DDX25: variants seen among roughly 807,000 people sequenced by gnomAD.
DDX25 encodes ATP-dependent RNA helicase DDX25.
Under a neutral mutation model 64.6 loss-of-function variants are expected in DDX25, and 70 were observed. The ratio of observed to expected loss-of-function variants is 1.08; its 90% CI spans 0.89 to 1.32. DDX25 has a LOEUF of 1.32. Ranked by LOEUF, DDX25 falls within the 40% of genes most tolerant of loss-of-function variation. The probability of loss-of-function intolerance (pLI) is 0.00; values close to 1 mark genes in which losing one functional copy is unlikely to be tolerated. For missense variants in DDX25, 587 were observed against 604.4 expected (o/e 0.97, Z 0.30); for synonymous variants, 211 against 213.3 (o/e 0.99, Z 0.09).
chr11:125,922,952 T>C lies in DDX25; in HGVS notation c.*71T>C. On this transcript the variant is annotated 3_prime_UTR_variant, in exon 12 of 12. Coordinates refer to ENST00000263576, the MANE Select transcript of DDX25 (RefSeq NM_013264.5). The stretch of plus-strand genomic sequence containing the variant: ...TGTCTCAGTGGGTTTTGAAGGTAAT[T>C]TTTTTATGTTGAGGCTTTTTCGACG... 7.1e-7 allele frequency: 1 copy of C among 1,415,334 alleles called. No homozygotes were observed. The highest frequency in any genetic ancestry group is 9.6e-7 in the Non-Finnish European group (1 of 1,041,598). The allele number at this position is 1,415,334 out of a possible 1,614,324, so 87.7% of individuals were successfully genotyped here. A position where few individuals can be genotyped will look rare whatever the true frequency, so the allele number is the denominator to read the frequency against.
intron 4 of DDX25, among the ~76,000 whole-genome samples, chr11:125,906,860 A>G (rs1203553409): frequency 6.6e-6 from 1 of 151,648 alleles, no homozygotes; most frequent in Non-Finnish European, 1.5e-5. Flanking sequence ...AAAGAAGAAC[A>G]TTAGGATACT....
intron 8 of DDX25, among the ~76,000 whole-genome samples, chr11:125,913,905 G>T (rs534073085): frequency 3.4e-4 from 51 of 152,146 alleles, no homozygotes; most frequent in Admixed American, 6.5e-4. Flanking sequence ...CATACACAGG[G>T]TTATTATTTT....
chr11:125,925,681 A>C lies in DDX25; in HGVS notation c.*2800A>C. The C allele has an allele frequency of 3.1e-6, 1 of 326,674 alleles. No homozygotes were observed. The highest frequency in any genetic ancestry group is 6.2e-6 in the Non-Finnish European group (1 of 161,654). 20.2% of individuals were successfully genotyped at this position (326,674 alleles called of 1,614,324 possible). On this transcript the variant is annotated 3_prime_UTR_variant, in exon 12 of 12. Transcript: ENST00000263576. ...TCTTGGCCAGCTTAATACTGTTAGCATATTGAAATTCATGATTACGTAGAG... is the reference window on the plus strand; with the variant it reads ...TCTTGGCCAGCTTAATACTGTTAGCCTATTGAAATTCATGATTACGTAGAG...
At chr11:125,904,193 G>A (rs900218907), upstream of DDX25, among the ~76,000 whole-genome samples, 4 of 152,160 alleles carry the variant, frequency 2.6e-5, no homozygotes, top group African/African-American at 9.7e-5. Flanking sequence ...TGAGCGGCGG[G>A]CCGCGGGGCG....
At chr11:125,909,592 A>T (rs1944938575) in intron 6 of DDX25, among the ~76,000 whole-genome samples, 1 of 151,774 alleles carries the variant, frequency 6.6e-6, no homozygotes, top group Non-Finnish European at 1.5e-5. Flanking sequence ...ATGTATTGTA[A>T]AGATATAGAT....
At chr11:125,920,989 A>G (rs895945618) in intron 10 of DDX25, 4 of 566,766 alleles carry the variant, frequency 7.1e-6, no homozygotes, top group African/African-American at 3.8e-5. Context: ...AGCATTCTCT[A>G]TGGACACGCT....
At chr11:125,907,570 T>A (rs984012898) in intron 4 of DDX25, among the ~76,000 whole-genome samples, 1 of 151,788 alleles carries the variant, frequency 6.6e-6, no homozygotes, top group Non-Finnish European at 1.5e-5. Flanking sequence ...GTCGCGCCAC[T>A]GCACTCCAGC....
chr11:125,905,449 C>A, intron 2 of DDX25, 104 bp from the exon 3 acceptor site: 1 of 1,351,328 alleles, frequency 7.4e-7, no homozygotes, highest in Non-Finnish European at 1.0e-6. Context: ...ACTCTTCTTG[C>A]CAGTAGACAC....
chr11:125,912,399 T>C (rs1944978315), intron 8 of DDX25, among the ~76,000 whole-genome samples: 1 of 152,206 alleles, frequency 6.6e-6, no homozygotes, highest in African/African-American at 2.4e-5. Flanking sequence ...CCAAACAGCG[T>C]ATTATTATAA....
In DDX25 at chr11:125,927,898, C is replaced by T. The variant is rs1417671890; in HGVS notation, c.*5017C>T. 6.6e-6 allele frequency: 1 copy of T among 152,164 alleles called. No homozygotes were observed. Among genetic ancestry groups the T allele is most frequent in the Non-Finnish European group, 1.5e-5 (1 of 68,026 alleles). The allele number at this position is 152,164 out of a possible 1,614,324, so 9.4% of individuals were successfully genotyped here. ...CGGAGACTCTGTCCATTCTAAGATA[C>T]CATGTTTCCATGACCCTACACACAA... is the stretch of plus-strand genomic sequence containing the variant. On this transcript the variant is annotated 3_prime_UTR_variant, in exon 12 of 12. Transcript: ENST00000263576.
intron 1 of DDX25, 144 bp downstream of exon 1, chr11:125,904,724 G>A (rs1443957183): frequency 9.8e-7 from 1 of 1,022,668 alleles, no homozygotes; most frequent in Non-Finnish European, 1.4e-6. Flanking sequence ...GAAGGGTTTG[G>A]AAGAGGGCCA....
chr11:125,906,259 A>G, intron 4 of DDX25, 50 bp downstream of exon 4: 18 of 1,499,906 alleles, frequency 1.2e-5, no homozygotes, highest in Non-Finnish European at 1.6e-5. Context: ...AAACCACAGA[A>G]CAAACGCATC....
rs746461519 is a variant in DDX25 at position 125,904,916 on chromosome 11, A to T, written c.64-296A>T. 2.2e-4 allele frequency: 118 copies of T among 548,294 alleles called. 1 individual carries two copies. The highest frequency in any genetic ancestry group is 3.6e-4 in the Non-Finnish European group (111 of 307,506). 34.0% of individuals were successfully genotyped at this position (548,294 alleles called of 1,614,324 possible). On this transcript the variant is annotated intron_variant, in intron 1 of 11. Coordinates refer to ENST00000263576, the MANE Select transcript of DDX25 (RefSeq NM_013264.5). ...CTCGCTTCCATCCATTTGCCAGCGCACTTTCCTAGCCACCCTCCCCTTGTT... is the reference window on the plus strand; with the variant it reads ...CTCGCTTCCATCCATTTGCCAGCGCTCTTTCCTAGCCACCCTCCCCTTGTT...
At position 125,924,098 on chromosome 11, in the gene DDX25, C is replaced by G. The variant is rs757373508; in HGVS notation, c.*1217C>G. On this transcript the variant is annotated 3_prime_UTR_variant, in exon 12 of 12. Coordinates refer to ENST00000263576, the MANE Select transcript of DDX25 (RefSeq NM_013264.5). ...TTACCAACATGGTGAAACCCCTTCTCTACTAAAAATATAAAAATTAGCTGG... is the reference window on the plus strand; with the variant it reads ...TTACCAACATGGTGAAACCCCTTCTGTACTAAAAATATAAAAATTAGCTGG... 6.6e-6 allele frequency: 1 copy of G among 152,202 alleles called. No homozygotes were observed. The highest frequency in any genetic ancestry group is 1.5e-5 in the Non-Finnish European group (1 of 68,074). The allele number at this position is 152,202 out of a possible 1,614,324, so 9.4% of individuals were successfully genotyped here.
At chr11:125,911,249 G>A in intron 7 of DDX25, 62 bp from the exon 8 acceptor site, 1 of 1,499,864 alleles carries the variant, frequency 6.7e-7, no homozygotes, top group Non-Finnish European at 9.0e-7. Flanking sequence ...GCACTGCCCT[G>A]AACTGTGACC....
Position 125,910,355 on chromosome 11 carries a change from A to C in DDX25, c.508-9A>C. ...CTTTCTCCTCCCCTCTTCTCTCTCT[A>C]TCCCACAGTGCCTCTGCCTAGCTCC... On this transcript the variant is annotated splice_polypyrimidine_tract_variant and intron_variant, in intron 6 of 11. Coordinates refer to ENST00000263576, the MANE Select transcript of DDX25 (RefSeq NM_013264.5). 1 of 1,613,000 alleles carries C rather than the reference A, an allele frequency of 6.2e-7. No homozygotes were observed. The highest frequency in any genetic ancestry group is 8.5e-7 in the Non-Finnish European group (1 of 1,179,076).
intron 3 of DDX25, 69 bp from the exon 4 acceptor site, chr11:125,906,005 G>A: frequency 1.3e-6 from 2 of 1,481,994 alleles, no homozygotes; most frequent in South Asian, 2.9e-5. Context: ...ACCACTGAAA[G>A]AGAAAGAGCA....
intron 8 of DDX25, among the ~76,000 whole-genome samples, chr11:125,913,945 A>G (rs1945000638): frequency 6.6e-6 from 1 of 152,230 alleles, no homozygotes; most frequent in Non-Finnish European, 1.5e-5. Context: ...TTGTCATTAA[A>G]ATAACACAGT....
intron 6 of DDX25, among the ~76,000 whole-genome samples, chr11:125,909,936 G>A (rs1231223029): frequency 6.6e-6 from 1 of 152,174 alleles, no homozygotes; most frequent in African/African-American, 2.4e-5. Flanking sequence ...ACAGGTGTGA[G>A]CCACCGTGCC....
Sources: gnomAD v4.1 joint callset for allele counts (sites outside exome capture counted in the v4.1 genomes callset) on GRCh38, gnomAD v4.1.1 for gene constraint, MANE v1.5 for transcripts, NCBI Gene and HGNC (gene_info 2026-07-23, HGNC 2026-07-21) for gene names.